FHIT: variants seen among roughly 807,000 people sequenced by gnomAD.
FHIT encodes bis(5'-adenosyl)-triphosphatase.
Under a neutral mutation model 17.9 loss-of-function variants are expected in FHIT, and 19 were observed. The observed-to-expected ratio is 1.06, with a 90% CI of 0.74 to 1.56. FHIT has a LOEUF of 1.56. FHIT is among the 40% of genes most tolerant of loss of function. The pLI, the probability that FHIT is intolerant of heterozygous loss-of-function variation, is 0.00. For synonymous variants in FHIT, 81 were observed against 69.7 expected (o/e 1.16, Z -0.81); for missense variants, 248 against 189.2 (o/e 1.31, Z -1.82).
At chr3:59,914,347 C>A (rs923084007) in intron 8 of FHIT, among the ~76,000 whole-genome samples, 2 of 152,088 alleles carry the variant, frequency 1.3e-5, no homozygotes, top group African/African-American at 2.4e-5. Context: ...AATATAACCA[C>A]ATTTGAACAC....
intron 5 of FHIT, among the ~76,000 whole-genome samples, chr3:60,518,402 A>G (rs2035237349): frequency 6.6e-6 from 1 of 152,244 alleles, no homozygotes. Flanking sequence ...ATTAGATAAT[A>G]AAATGTAAAC....
At position 60,587,615 on chromosome 3, in the gene FHIT, G is replaced by T. The variant is rs141156920; in HGVS notation, c.-17-50636C>A. 2.5e-3 allele frequency among the ~76,000 whole-genome samples: 384 copies of T among 152,108 alleles called. 1 individual carries two copies. The highest frequency in any genetic ancestry group is 8.9e-3 in the African/African-American group (370 of 41,532). ...AAATGTCTTTTGTCCCTACAGTTGA[G>T]GCGTAAAACCTGACAGTGAGGATGA... On this transcript the variant is annotated intron_variant, in intron 4 of 9. Coordinates refer to ENST00000492590, the MANE Select transcript of FHIT (RefSeq NM_002012.4).
chr3:60,237,231 A>T (rs771215966), intron 5 of FHIT, among the ~76,000 whole-genome samples: 13 of 151,764 alleles, frequency 8.6e-5, no homozygotes, highest in Non-Finnish European at 1.6e-4. Flanking sequence ...TATCCTTAAA[A>T]ATTGTGAATA....
intron 3 of FHIT, among the ~76,000 whole-genome samples, chr3:60,978,844 T>C (rs887526280): frequency 6.6e-6 from 1 of 152,296 alleles, no homozygotes; most frequent in Admixed American, 6.5e-5. Flanking sequence ...TTATTTTTCT[T>C]AATACCATGA....
At chr3:60,476,727 A>G (rs1007559568) in intron 5 of FHIT, among the ~76,000 whole-genome samples, 3 of 152,188 alleles carry the variant, frequency 2.0e-5, no homozygotes, top group African/African-American at 7.2e-5. Context: ...GGCACTGGGT[A>G]TAAACAAATC....
intron 4 of FHIT, among the ~76,000 whole-genome samples, chr3:60,575,442 C>T (rs557262917): frequency 7.2e-5 from 11 of 152,170 alleles, no homozygotes; most frequent in Admixed American, 7.2e-4. Context: ...TTGGAATGTC[C>T]AGAAGGACTG....
chr3:60,048,119 A>C (rs1284673945), intron 5 of FHIT, among the ~76,000 whole-genome samples: 1 of 152,104 alleles, frequency 6.6e-6, no homozygotes, highest in Non-Finnish European at 1.5e-5. Context: ...CACGTATAAG[A>C]ACATCAGCCA....
intron 2 of FHIT, among the ~76,000 whole-genome samples, chr3:61,094,464 T>C (rs2035578402): frequency 6.6e-6 from 1 of 152,176 alleles, no homozygotes; most frequent in South Asian, 2.1e-4. Flanking sequence ...CCATATGGTA[T>C]TCAGCACAGT....
At chr3:60,284,662 A>G (rs1707632842) in intron 5 of FHIT, among the ~76,000 whole-genome samples, 1 of 152,046 alleles carries the variant, frequency 6.6e-6, no homozygotes, top group African/African-American at 2.4e-5. Context: ...AGACATTCCC[A>G]TTTTTTTATG....
intron 2 of FHIT, among the ~76,000 whole-genome samples, chr3:61,123,583 A>G (rs914529948): frequency 3.0e-4 from 45 of 152,270 alleles, no homozygotes; most frequent in African/African-American, 9.4e-4. Context: ...AAAAATTATT[A>G]AGATGACCAA....
intron 5 of FHIT, among the ~76,000 whole-genome samples, chr3:60,172,321 A>G (rs1163270314): frequency 6.6e-6 from 1 of 152,160 alleles, no homozygotes; most frequent in African/African-American, 2.4e-5. Flanking sequence ...GCTGCAGTGC[A>G]ATGGCACAAT....
At chr3:59,986,669 ATAATATATT>A (rs1708944732) in intron 7 of FHIT, among the ~76,000 whole-genome samples, 1 of 50,502 alleles carries the variant, frequency 2.0e-5, no homozygotes, top group African/African-American at 9.7e-5. Context: ...ATTTATATTT[ATAATATATT>A]TACATATTTA....
At chr3:59,851,965 C>G (rs1701958782) in intron 8 of FHIT, among the ~76,000 whole-genome samples, 1 of 152,204 alleles carries the variant, frequency 6.6e-6, no homozygotes, top group African/African-American at 2.4e-5. Flanking sequence ...TCATCTTGCT[C>G]TAAAACACAT....
At chr3:59,872,706 C>T (rs1381500294) in intron 8 of FHIT, among the ~76,000 whole-genome samples, 1 of 152,176 alleles carries the variant, frequency 6.6e-6, no homozygotes, top group Non-Finnish European at 1.5e-5. Flanking sequence ...ATTTTGGACT[C>T]AGCAGATAAC....
intron 3 of FHIT, among the ~76,000 whole-genome samples, chr3:60,856,106 T>C (rs1287807758): frequency 6.6e-6 from 1 of 152,060 alleles, no homozygotes; most frequent in East Asian, 1.9e-4. Flanking sequence ...GCAAAGAATA[T>C]GGAGGAGAGG....
At chr3:60,101,334 C>A (rs1201263195) in intron 5 of FHIT, among the ~76,000 whole-genome samples, 2 of 152,240 alleles carry the variant, frequency 1.3e-5, no homozygotes, top group Non-Finnish European at 2.9e-5. Context: ...ACCTCCTGCA[C>A]CCTGGGCTCA....
In FHIT at chr3:60,188,950, A is replaced by T. The variant is rs907594371; in HGVS notation, c.104-174798T>A. On this transcript the variant is annotated intron_variant, in intron 5 of 9. Transcript: ENST00000492590. Reference sequence around the variant, plus strand: ...CTATTCATCTAAAAGAAGGACACTAATATGAGCACTGTAGCTTTCTGCACT... The same window carrying T: ...CTATTCATCTAAAAGAAGGACACTATTATGAGCACTGTAGCTTTCTGCACT... 2.6e-5 allele frequency among the ~76,000 whole-genome samples: 4 copies of T among 152,166 alleles called. No homozygotes were observed. The East Asian group carries it at 7.7e-4, about 29-fold the overall frequency.
In FHIT at chr3:60,451,046, C is replaced by T. The variant is rs2031706604; in HGVS notation, c.103+85814G>A. Among the ~76,000 whole-genome samples, 6 of 152,034 alleles carry T rather than the reference C, an allele frequency of 3.9e-5. 1 individual carries two copies. Among genetic ancestry groups the T allele is most frequent in the Middle Eastern group, 3.4e-3 (1 of 294 alleles). On this transcript the variant is annotated intron_variant, in intron 5 of 9. Transcript: ENST00000492590. Reference sequence around the variant, plus strand: ...AAACTTGTTTTTAGGAGTTCTTGGGCCAACGAAGAAGGCAATCGCAACATT... The same window carrying T: ...AAACTTGTTTTTAGGAGTTCTTGGGTCAACGAAGAAGGCAATCGCAACATT...
chr3:60,284,642 C>G (rs534504841), intron 5 of FHIT, among the ~76,000 whole-genome samples: 2 of 152,186 alleles, frequency 1.3e-5, no homozygotes, highest in South Asian at 4.1e-4. Context: ...TCTGAGTAAT[C>G]TGAAGAATGA....
Sources: allele counts gnomAD v4.1 joint callset (sites outside exome capture counted in the v4.1 genomes callset), GRCh38; gene constraint gnomAD v4.1.1; transcripts MANE v1.5; gene names NCBI Gene and HGNC (gene_info 2026-07-23, HGNC 2026-07-21).